MEGF9: variants seen among roughly 807,000 people sequenced by gnomAD.
MEGF9 encodes the protein multiple EGF like domains 9, also known as multiple epidermal growth factor-like domains protein 9.
A neutral mutation model predicts 46.8 loss-of-function variants in MEGF9; 6 were observed. That is an observed-to-expected ratio of 0.13 (90% CI 0.07 to 0.25). The LOEUF (loss-of-function observed/expected upper bound fraction) is 0.25. MEGF9 is among the 10% of genes least tolerant of loss of function. MEGF9 has a pLI of 1.00. For synonymous variants in MEGF9, 302 were observed against 330.7 expected (o/e 0.91, Z 0.94); for missense variants, 683 against 792.4 (o/e 0.86, Z 1.66).
intron 2 of MEGF9, among the ~76,000 whole-genome samples, chr9:120,643,804 C>T (rs143353402): frequency 0.01 from 1,559 of 151,928 alleles, 29 homozygotes; most frequent in African/African-American, 0.033. Context: ...ACGCGATCCT[C>T]CTACTTCAGC....
intron 3 of MEGF9, among the ~76,000 whole-genome samples, chr9:120,615,298 TACAC>T (rs747662443): frequency 6.8e-6 from 1 of 146,096 alleles, no homozygotes; most frequent in Non-Finnish European, 1.5e-5. Context: ...CATGTGTGTG[TACAC>T]ACACACACAC....
chr9:120,673,562 G>C (rs528515300), intron 1 of MEGF9, among the ~76,000 whole-genome samples: 1 of 147,880 alleles, frequency 6.8e-6, no homozygotes, highest in South Asian at 2.1e-4. Flanking sequence ...AGATGAAAAG[G>C]CAATTCAATG....
chr9:120,633,663 A>G (rs1462044834), intron 2 of MEGF9, among the ~76,000 whole-genome samples: 2 of 151,878 alleles, frequency 1.3e-5, no homozygotes, highest in Non-Finnish European at 2.9e-5. Context: ...TGGCTTTTCT[A>G]GTTCCTTAAG....
At chr9:120,708,043 TCAAACAAA>T (rs372901746) in intron 1 of MEGF9, among the ~76,000 whole-genome samples, 6 of 149,430 alleles carry the variant, frequency 4.0e-5, no homozygotes, top group Middle Eastern at 3.6e-3. Context: ...AGACTCTGTC[TCAAACAAA>T]CAAACAAACA....
chr9:120,627,937 AT>A (rs781434496), intron 2 of MEGF9, among the ~76,000 whole-genome samples: 9 of 152,368 alleles, frequency 5.9e-5, no homozygotes, highest in Non-Finnish European at 1.0e-4. Context: ...ACTTTTAAAA[AT>A]GAACTTAAAA....
At chr9:120,678,319 G>A (rs931494212) in intron 1 of MEGF9, among the ~76,000 whole-genome samples, 1 of 152,160 alleles carries the variant, frequency 6.6e-6, no homozygotes, top group African/African-American at 2.4e-5. Flanking sequence ...TGAGATTGAT[G>A]GATTGTATTG....
At chr9:120,645,734 C>A (rs941997911) in intron 2 of MEGF9, among the ~76,000 whole-genome samples, 12 of 152,160 alleles carry the variant, frequency 7.9e-5, no homozygotes, top group African/African-American at 2.9e-4. Flanking sequence ...TTTCCAATAT[C>A]TATTGTTTGC....
At chr9:120,646,757 T>C (rs1303001349) in intron 2 of MEGF9, among the ~76,000 whole-genome samples, 1 of 152,192 alleles carries the variant, frequency 6.6e-6, no homozygotes, top group African/African-American at 2.4e-5. Flanking sequence ...TTATCTTATT[T>C]ATCTTTTATC....
intron 2 of MEGF9, among the ~76,000 whole-genome samples, chr9:120,640,379 C>T (rs1022171557): frequency 6.6e-6 from 1 of 152,012 alleles, no homozygotes; most frequent in Non-Finnish European, 1.5e-5. Flanking sequence ...TCTTGCCTAG[C>T]CACACTATCT....
Position 120,601,324 on chromosome 9 carries a change from T to G in MEGF9, c.*3866A>C, listed in dbSNP as rs2043394762. On this transcript the variant is annotated 3_prime_UTR_variant, in exon 6 of 6. Coordinates refer to ENST00000373930, the MANE Select transcript of MEGF9 (RefSeq NM_001080497.3). Reference sequence around the variant, plus strand: ...CAGGGATGTTCATTATAAGTGGTGTTATGTTCACCAAGCATCCTAAAAAGT... The same window carrying G: ...CAGGGATGTTCATTATAAGTGGTGTGATGTTCACCAAGCATCCTAAAAAGT... 1 of 152,202 alleles carries G rather than the reference T, an allele frequency of 6.6e-6. No individual in the cohort carries two copies. Among genetic ancestry groups the G allele is most frequent in the African/African-American group, 2.4e-5 (1 of 41,448 alleles). 9.4% of individuals were successfully genotyped at this position (152,202 alleles called of 1,614,324 possible). A position where few individuals can be genotyped will look rare whatever the true frequency, so the allele number is the denominator to read the frequency against.
chr9:120,684,661 A>G (rs2043813648), intron 1 of MEGF9, among the ~76,000 whole-genome samples: 1 of 152,210 alleles, frequency 6.6e-6, no homozygotes, highest in Admixed American at 6.5e-5. Context: ...AGGGCACAGT[A>G]GAGAAGAAAT....
rs774054506 is a variant in MEGF9 at position 120,607,861 on chromosome 9, T to C, written c.1237A>G (p.Lys413Glu). 1.2e-6 allele frequency: 2 copies of C among 1,613,998 alleles called. No individual in the cohort carries two copies. Among genetic ancestry groups the C allele is most frequent in the South Asian group, 1.1e-5 (1 of 91,082 alleles). ...TCACCACTCTCGGGCTTACAAATCTTTGGAGTTTTAACTGGGTCCACATGG... is the reference window on the plus strand; with the variant it reads ...TCACCACTCTCGGGCTTACAAATCTCTGGAGTTTTAACTGGGTCCACATGG... Reference protein sequence around the residue: ...HGHVDPVKTPKICKPESGECI... With the variant: ...HGHVDPVKTPEICKPESGECI... Residue 413 changes from lysine to glutamate, a missense_variant, in exon 5 of 6, where the codon AAG becomes GAG. Around this residue, in one of 2 missense-constraint regions of MEGF9, gnomAD observed 313 missense variants for 421.1 expected, o/e 0.74. Coordinates refer to ENST00000373930, the MANE Select transcript of MEGF9 (RefSeq NM_001080497.3).
chr9:120,659,321 T>G (rs1263383940), intron 2 of MEGF9, 53 bp downstream of exon 2: 1 of 1,527,734 alleles, frequency 6.5e-7, no homozygotes, highest in South Asian at 1.2e-5. Flanking sequence ...AGCAGCCTTT[T>G]TTTTCCCCTT....
At chr9:120,654,116 AGT>A (rs1455229628) in intron 2 of MEGF9, among the ~76,000 whole-genome samples, 3 of 152,210 alleles carry the variant, frequency 2.0e-5, no homozygotes, top group Non-Finnish European at 2.9e-5. Flanking sequence ...CAGAAGTAAG[AGT>A]GTGAGACAGA....
intron 1 of MEGF9, among the ~76,000 whole-genome samples, chr9:120,691,808 C>G (rs2043849735): frequency 6.6e-6 from 1 of 152,054 alleles, no homozygotes; most frequent in South Asian, 2.1e-4. Context: ...TACTTCAAGG[C>G]TGAACATTAC....
rs548591805 is a variant in MEGF9, at chr9:120,604,354, C to T, written c.*836G>A. The T allele has an allele frequency of 1.4e-3, 210 of 152,602 alleles. No individual in the cohort carries two copies. Among genetic ancestry groups the T allele is most frequent in the Non-Finnish European group, 2.5e-3 (172 of 68,030 alleles). The allele number at this position is 152,602 out of a possible 1,614,324, so 9.5% of individuals were successfully genotyped here. A position where few individuals can be genotyped will look rare whatever the true frequency, so the allele number is the denominator to read the frequency against. ...AATCCCCATATTTTTCTTTTTACAACACCATTAACTGCTGTACAAATAAAT... is the reference window on the plus strand; with the variant it reads ...AATCCCCATATTTTTCTTTTTACAATACCATTAACTGCTGTACAAATAAAT... On this transcript the variant is annotated 3_prime_UTR_variant, in exon 6 of 6. Coordinates refer to ENST00000373930, the MANE Select transcript of MEGF9 (RefSeq NM_001080497.3).
chr9:120,605,535 G>T lies in MEGF9; in HGVS notation c.1464C>A (p.Thr488=). ...PVINSTFTPT[T]LQTIFSVSTS... is the part of the protein sequence containing the mutation. ...TGCTTACTGAAAAGATAGTCTGCAG[G>T]GTTGTAGGGGTAAAAGTACTATTTA... Residue 488 remains threonine, a synonymous_variant, in exon 6 of 6, where the codon ACC becomes ACA. Coordinates refer to ENST00000373930, the MANE Select transcript of MEGF9 (RefSeq NM_001080497.3). The surrounding 1 kb of genome is among the most constrained non-coding windows in gnomAD (Gnocchi z 4.0). 1.2e-6 allele frequency: 2 copies of T among 1,613,262 alleles called. No individual in the cohort carries two copies. Among genetic ancestry groups the T allele is most frequent in the Non-Finnish European group, 1.7e-6 (2 of 1,179,466 alleles).
intron 1 of MEGF9, 125 bp downstream of exon 1, chr9:120,713,633 C>G: frequency 5.7e-6 from 7 of 1,217,442 alleles, no homozygotes; most frequent in Non-Finnish European, 7.2e-6. Context: ...GGGATCCCCC[C>G]TCGGGAGCCG....
chr9:120,662,085 A>C (rs1253018673), intron 1 of MEGF9, among the ~76,000 whole-genome samples: 1 of 152,228 alleles, frequency 6.6e-6, no homozygotes, highest in East Asian at 1.9e-4. Flanking sequence ...AACTGAGTCA[A>C]TGTTCCCAAT....
Sources: allele counts gnomAD v4.1 joint callset (sites outside exome capture counted in the v4.1 genomes callset), GRCh38; gene constraint gnomAD v4.1.1; regional missense constraint gnomAD v4.1.1; non-coding constraint Gnocchi (gnomAD v3.1); transcripts MANE v1.5; gene names NCBI Gene and HGNC (gene_info 2026-07-23, HGNC 2026-07-21).